Variants in TPRA1 observed in about 807,000 individuals in gnomAD.
TPRA1 encodes transmembrane protein adipocyte-associated 1.
Under a neutral mutation model 40.1 loss-of-function variants are expected in TPRA1, and 28 were observed. The observed-to-expected ratio is 0.70, with a 90% CI of 0.52 to 0.96. The LOEUF (loss-of-function observed/expected upper bound fraction) is 0.96. Ranked by LOEUF, TPRA1 falls within the 40% of genes least tolerant of loss-of-function variation. The probability of loss-of-function intolerance (pLI) is 0.00; values close to 1 mark genes in which losing one functional copy is unlikely to be tolerated. For synonymous variants in TPRA1, 219 were observed against 209.7 expected, an observed-to-expected ratio of 1.04 and a Z score of -0.38; for missense variants, 441 against 482.6, an observed-to-expected ratio of 0.91 and a Z score of 0.81.
chr3:127,575,367 C>A lies in TPRA1; in HGVS notation c.773+36G>T, dbSNP rs374375018. On this transcript the variant is annotated intron_variant, in intron 9 of 10. Coordinates refer to ENST00000355552, the MANE Select transcript of TPRA1 (RefSeq NM_001136053.4). ...GACACCCTGCCGCCCACTTCCCATG[C>A]CCCCACGAGGCAGACACCCTGCGGC... 3.2e-6 allele frequency: 5 copies of A among 1,570,578 alleles called. No homozygotes were observed. In the East Asian group the frequency reaches 7.1e-5, roughly 22 times the overall value.
chr3:127,589,241 G>C (rs1203662474), intron 1 of TPRA1, among the ~76,000 whole-genome samples: 1 of 147,120 alleles, frequency 6.8e-6, no homozygotes, highest in Admixed American at 6.7e-5. Context: ...CGCTGAGAAC[G>C]ACTGGGTAAG....
intron 1 of TPRA1, among the ~76,000 whole-genome samples, chr3:127,597,772 G>A (rs1226200285): frequency 6.6e-6 from 1 of 152,028 alleles, no homozygotes; most frequent in Non-Finnish European, 1.5e-5. Flanking sequence ...TCCTAAGACG[G>A]TAAGAAGCGT....
At chr3:127,582,538 T>TA (rs915829951) in intron 1 of TPRA1, among the ~76,000 whole-genome samples, 2 of 151,534 alleles carry the variant, frequency 1.3e-5, no homozygotes, top group Non-Finnish European at 2.9e-5. Flanking sequence ...CCATCTCTAC[T>TA]AAAAAATACA....
intron 1 of TPRA1, among the ~76,000 whole-genome samples, chr3:127,584,265 C>T (rs886065610): frequency 1.9e-4 from 29 of 149,512 alleles, no homozygotes; most frequent in African/African-American, 3.7e-4. Context: ...CACAGCAAGA[C>T]GCTATTTCTA....
In TPRA1 at chr3:127,573,008, G is replaced by C. The variant is rs2073422104; in HGVS notation, c.*513C>G. 1 of 152,316 alleles carries C rather than the reference G, an allele frequency of 6.6e-6. No individual in the cohort carries two copies. The highest frequency in any genetic ancestry group is 2.1e-4 in the South Asian group (1 of 4,832). 9.4% of individuals were successfully genotyped at this position (152,316 alleles called of 1,614,324 possible). ...CCTGAGCCTCCCAGCCCCTCACCCA[G>C]CCCTCAGGCTCCTGAAAGGAACCAG... On this transcript the variant is annotated 3_prime_UTR_variant, in exon 11 of 11. Coordinates refer to ENST00000355552, the MANE Select transcript of TPRA1 (RefSeq NM_001136053.4).
chr3:127,581,398 G>A (rs1054398905), intron 1 of TPRA1, among the ~76,000 whole-genome samples: 17 of 152,204 alleles, frequency 1.1e-4, no homozygotes, highest in African/African-American at 3.6e-4. Context: ...GTGATATAGC[G>A]TGAAGCCAGG....
chr3:127,593,355 T>A (rs1331365364), upstream of TPRA1, among the ~76,000 whole-genome samples: 1 of 152,102 alleles, frequency 6.6e-6, no homozygotes, highest in Non-Finnish European at 1.5e-5. Context: ...ATGACAGCAA[T>A]CCCCAGATAA....
Position 127,575,798 on chromosome 3 carries a change from CAG to C in TPRA1, c.619_620del (p.Leu207GlyfsTer142). 6.2e-7 allele frequency: 1 copy of C among 1,613,946 alleles called. No homozygotes were observed. On this transcript the variant is annotated frameshift_variant, in exon 8 of 11. Coordinates refer to ENST00000355552, the MANE Select transcript of TPRA1 (RefSeq NM_001136053.4). LOFTEE classifies it high-confidence loss of function. ...SSCFFFLVYS[L>X]VVILPKTPLK... ...GCGGGGTCTTGGGAAGGATGACCAC[CAG>C]AGAGTAGACCTACAGAGACAGGCAG...
intron 1 of TPRA1, among the ~76,000 whole-genome samples, chr3:127,585,857 TG>T (rs1309000449): frequency 2.6e-5 from 4 of 152,220 alleles, no homozygotes; most frequent in African/African-American, 9.7e-5. Context: ...CAATGGTCTC[TG>T]GGGTGGAGCC....
At chr3:127,588,477 A>G (rs1417783764) in intron 1 of TPRA1, among the ~76,000 whole-genome samples, 3 of 149,506 alleles carry the variant, frequency 2.0e-5, no homozygotes, top group Non-Finnish European at 4.4e-5. Context: ...CTGGAGTGCA[A>G]TGGTGCGATC....
In TPRA1 at chr3:127,576,595, CT is replaced by C. The variant is rs2073636591; in HGVS notation, c.498+21del. The stretch of plus-strand genomic sequence containing the variant: ...CTGGTGCCCTGACTCCTAGCGTCCC[CT>C]GCCCACACTCACCCTCTTACCTGGG... On this transcript the variant is annotated intron_variant, in intron 6 of 10. Coordinates refer to ENST00000355552, the MANE Select transcript of TPRA1 (RefSeq NM_001136053.4). The surrounding 1 kb of genome is among the most constrained non-coding windows in gnomAD (Gnocchi z 4.6). 6.4e-7 allele frequency: 1 copy of C among 1,570,326 alleles called. No homozygotes were observed. Among genetic ancestry groups the C allele is most frequent in the Admixed American group, 1.8e-5 (1 of 55,450 alleles).
At chr3:127,578,601 A>G (rs944327117) in intron 3 of TPRA1, among the ~76,000 whole-genome samples, 1 of 152,234 alleles carries the variant, frequency 6.6e-6, no homozygotes, top group African/African-American at 2.4e-5. Context: ...TATCTGTTGA[A>G]TAAATACACA....
At chr3:127,574,206 A>G (rs988490489) in intron 10 of TPRA1, among the ~76,000 whole-genome samples, 1 of 152,068 alleles carries the variant, frequency 6.6e-6, no homozygotes, top group East Asian at 1.9e-4. Flanking sequence ...CCTCAGGGCA[A>G]CTCTCCAAGG....
rs200405414 is a variant in TPRA1 at position 127,580,179 on chromosome 3, C to T, written c.-17-16G>A. 3.7e-6 allele frequency: 6 copies of T among 1,604,602 alleles called. No individual in the cohort carries two copies. In the East Asian group the frequency reaches 1.3e-4, roughly 36 times the overall value. On this transcript the variant is annotated splice_polypyrimidine_tract_variant and intron_variant, in intron 1 of 10. Coordinates refer to ENST00000355552, the MANE Select transcript of TPRA1 (RefSeq NM_001136053.4). ...GCAGCCAGCCCTGGGGGAGTGAGAG[C>T]CGCCCAGTGAGCTGTGTGGCCTGGG...
At chr3:127,579,994 A>T in intron 2 of TPRA1, 28 bp downstream of exon 2, 2 of 1,612,600 alleles carry the variant, frequency 1.2e-6, no homozygotes, top group Non-Finnish European at 1.7e-6. Context: ...ACACTCAGCG[A>T]GCCTGCCCAG....
chr3:127,591,989 G>C (rs908513544), upstream of TPRA1: 13 of 152,324 alleles, frequency 8.5e-5, no homozygotes, highest in African/African-American at 3.1e-4. Flanking sequence ...ACCACCTTGT[G>C]ATCCTCTGGG....
intron 1 of TPRA1, among the ~76,000 whole-genome samples, chr3:127,584,441 C>G (rs2073934901): frequency 1.2e-5 from 1 of 82,070 alleles, no homozygotes; most frequent in African/African-American, 5.4e-5. Flanking sequence ...AGAGTGAGAC[C>G]CTGTCTAAAA....
At chr3:127,574,860 G>C (rs2107619878) in intron 10 of TPRA1, 2 of 417,288 alleles carry the variant, frequency 4.8e-6, no homozygotes, top group South Asian at 2.3e-5. Context: ...GTGTATGCAT[G>C]CATGTGGGTG....
intron 1 of TPRA1, among the ~76,000 whole-genome samples, chr3:127,587,633 A>G (rs1036748385): frequency 3.3e-5 from 5 of 150,962 alleles, no homozygotes; most frequent in Non-Finnish European, 5.9e-5. Context: ...GGATGTAAAC[A>G]TCTACAAAAG....
Sources: allele counts gnomAD v4.1 joint callset (sites outside exome capture counted in the v4.1 genomes callset), GRCh38; gene constraint gnomAD v4.1.1; non-coding constraint Gnocchi (gnomAD v3.1); transcripts MANE v1.5; gene names NCBI Gene and HGNC (gene_info 2026-07-23, HGNC 2026-07-21).